Variants in L3MBTL1 observed in about 807,000 individuals in gnomAD.
L3MBTL1 encodes the protein L3MBTL histone methyl-lysine binding protein 1.
L3MBTL1 carries 75 observed loss-of-function variants against 105.3 expected under a neutral mutation model. The ratio of observed to expected loss-of-function variants is 0.71; its 90% CI spans 0.59 to 0.86. The LOEUF (loss-of-function observed/expected upper bound fraction) is 0.86. Ranked by LOEUF, L3MBTL1 falls within the 40% of genes least tolerant of loss-of-function variation. L3MBTL1 has a pLI of 0.00. For missense variants in L3MBTL1, 1,069 were observed against 1,126.4 expected, an observed-to-expected ratio of 0.95 and a Z score of 0.73; for synonymous variants, 452 against 436.2, an observed-to-expected ratio of 1.04 and a Z score of -0.45.
At chr20:43,525,668 G>C (rs2018994931) in intron 7 of L3MBTL1, among the ~76,000 whole-genome samples, 1 of 152,172 alleles carries the variant, frequency 6.6e-6, no homozygotes, top group Admixed American at 6.5e-5. Flanking sequence ...TGGGGGTGTT[G>C]GTCAGGGAAG....
In L3MBTL1 at chr20:43,515,064, T is replaced by C; in HGVS notation, c.558T>C (p.Asp186=). Reference sequence around the variant, plus strand: ...CCAATCAGGACCCCCCAGAGGATGATAGCACCTGTCAGTGCCAGGCGTGCG... The same window carrying C: ...CCAATCAGGACCCCCCAGAGGATGACAGCACCTGTCAGTGCCAGGCGTGCG... ...EDPNQDPPED[D]STCQCQACGP... is the part of the protein sequence containing the mutation. Residue 186 remains aspartate (D), a synonymous_variant, in exon 5 of 22, where the codon GAT becomes GAC. Transcript: ENST00000418998. The C allele has an allele frequency of 6.2e-7, 1 of 1,614,106 alleles. No individual in the cohort carries two copies. The highest frequency in any genetic ancestry group is 1.1e-5 in the South Asian group (1 of 91,088).
At chr20:43,515,668 T>C in intron 6 of L3MBTL1, 1 of 505,334 alleles carries the variant, frequency 2.0e-6, no homozygotes. Context: ...TCAGGTGAAC[T>C]AGCACCCAAA....
At chr20:43,547,838 GAA>G (rs772643175) in intron 18 of L3MBTL1, among the ~76,000 whole-genome samples, 15 of 152,226 alleles carry the variant, frequency 9.9e-5, no homozygotes, top group Non-Finnish European at 1.8e-4. Flanking sequence ...CAGAAAGAGA[GAA>G]AGAGAACAAG....
At chr20:43,527,107 C>G (rs1183006852) in intron 7 of L3MBTL1, among the ~76,000 whole-genome samples, 1 of 152,180 alleles carries the variant, frequency 6.6e-6, no homozygotes, top group East Asian at 1.9e-4. Context: ...GTCCTACAGC[C>G]TTAGTGAAGA....
At chr20:43,525,547 A>G (rs2018984997) in intron 7 of L3MBTL1, among the ~76,000 whole-genome samples, 1 of 140,134 alleles carries the variant, frequency 7.1e-6, no homozygotes, top group South Asian at 2.3e-4. Flanking sequence ...TAGTGCACAG[A>G]TTATACAACC....
chr20:43,534,218 C>A (rs1405189258), intron 14 of L3MBTL1, 66 bp from the exon 15 acceptor site: 2 of 1,556,292 alleles, frequency 1.3e-6, no homozygotes, highest in Non-Finnish European at 8.8e-7. Flanking sequence ...AGCATTTGGG[C>A]TCCCTCTGTG....
Position 43,516,077 on chromosome 20 carries a change from G to A in L3MBTL1, c.778-16G>A, listed in dbSNP as rs757185225. ...CCATGAGGAGAAGAAGCTGGGATCAGGCTTGCCTTCTACAGGAGAAGCAAG... is the reference window on the plus strand; with the variant it reads ...CCATGAGGAGAAGAAGCTGGGATCAAGCTTGCCTTCTACAGGAGAAGCAAG... On this transcript the variant is annotated splice_polypyrimidine_tract_variant and intron_variant, in intron 6 of 21. Coordinates refer to ENST00000418998, the MANE Select transcript of L3MBTL1 (RefSeq NM_001377303.1). The A allele has an allele frequency of 3.7e-6, 6 of 1,601,018 alleles. No homozygotes were observed. Among genetic ancestry groups the A allele is most frequent in the Non-Finnish European group, 5.1e-6 (6 of 1,168,276 alleles).
rs760155991 is a variant in L3MBTL1 at position 43,534,274 on chromosome 20, C to G, written c.1600-10C>G. The G allele has an allele frequency of 1.2e-6, 2 of 1,611,388 alleles. No individual in the cohort carries two copies. Among genetic ancestry groups the G allele is most frequent in the Non-Finnish European group, 1.7e-6 (2 of 1,178,256 alleles). On this transcript the variant is annotated splice_polypyrimidine_tract_variant and intron_variant, in intron 14 of 21. Transcript: ENST00000418998. ...GCGCCTTGCCCTGAAGGCAGCTGTC[C>G]CCTCTGCAGCGACCCCCTCACAGCT...
chr20:43,521,820 T>TG (rs2018723909), intron 7 of L3MBTL1, among the ~76,000 whole-genome samples: 1 of 152,220 alleles, frequency 6.6e-6, no homozygotes. Context: ...TCTGAGTAGC[T>TG]GGGACTGCAG....
Position 43,536,278 on chromosome 20 carries a change from C to T in L3MBTL1, c.2107C>T (p.Pro703Ser). The T allele has an allele frequency of 6.2e-7, 1 of 1,612,472 alleles. No homozygotes were observed. The highest frequency in any genetic ancestry group is 1.7e-5 in the Admixed American group (1 of 59,822). Residue 703 changes from proline (P) to serine (S), a missense_variant, in exon 18 of 22, where the codon CCT becomes TCT. Coordinates refer to ENST00000418998, the MANE Select transcript of L3MBTL1 (RefSeq NM_001377303.1). ...CTCAGGCTTCTCCCCAAGGAAGAAG[C>T]CTCGCCATCACGGCCGGTATGGAGG... ...NLSGFSPRKKPRHHGRIGRPP... is the reference protein window; with the variant it reads ...NLSGFSPRKKSRHHGRIGRPP...
chr20:43,547,367 G>A (rs1568644811), intron 18 of L3MBTL1, among the ~76,000 whole-genome samples: 2 of 152,182 alleles, frequency 1.3e-5, no homozygotes, highest in Non-Finnish European at 2.9e-5. Flanking sequence ...GCCTCCCAAA[G>A]TGCTGGGATT....
At chr20:43,519,280 T>A (rs1023844586) in intron 7 of L3MBTL1, among the ~76,000 whole-genome samples, 4 of 144,664 alleles carry the variant, frequency 2.8e-5, no homozygotes, top group African/African-American at 1.0e-4. Flanking sequence ...GAGGTTGCAG[T>A]GAGCTGAGAG....
chr20:43,518,412 G>T (rs186853068), intron 7 of L3MBTL1, among the ~76,000 whole-genome samples: 11 of 152,270 alleles, frequency 7.2e-5, no homozygotes, highest in Admixed American at 2.6e-4. Context: ...GAGTGCTCCA[G>T]TAGTTTAAGA....
Position 43,530,399 on chromosome 20 carries a change from ACAAGCTGCAGCCTCC to A in L3MBTL1, c.1176_1190del (p.Leu393_Lys397del), listed in dbSNP as rs774544495. The stretch of plus-strand genomic sequence containing the variant: ...GCTGGCTGGTTCGAGAAGACGGGCC[ACAAGCTGCAGCCTCC>A]CAAAGGTAAGGCCTAGCTGGGTTGG... On this transcript the variant is annotated inframe_deletion, in exon 10 of 22. Coordinates refer to ENST00000418998, the MANE Select transcript of L3MBTL1 (RefSeq NM_001377303.1). The A allele has an allele frequency of 6.2e-7, 1 of 1,614,160 alleles. No individual in the cohort carries two copies. Among genetic ancestry groups the A allele is most frequent in the Non-Finnish European group, 8.5e-7 (1 of 1,180,014 alleles).
chr20:43,519,835 A>C (rs1203241154), intron 7 of L3MBTL1, among the ~76,000 whole-genome samples: 2 of 152,204 alleles, frequency 1.3e-5, no homozygotes, highest in Non-Finnish European at 2.9e-5. Context: ...TTTAAGGAGC[A>C]GAAAGTTCGT....
chr20:43,514,274 C>T, intron 3 of L3MBTL1: 2 of 779,794 alleles, frequency 2.6e-6, no homozygotes, highest in Non-Finnish European at 4.0e-6. Flanking sequence ...TGGAGTGAGG[C>T]ACTCTGGGAC....
intron 9 of L3MBTL1, among the ~76,000 whole-genome samples, chr20:43,529,979 G>T (rs529368656): frequency 8.9e-4 from 135 of 152,334 alleles, no homozygotes; most frequent in African/African-American, 3.2e-3. Flanking sequence ...CGGTCATCAG[G>T]AGCCCTCAGC....
intron 11 of L3MBTL1, 44 bp downstream of exon 11, chr20:43,530,933 G>C (rs1181508153): frequency 1.3e-6 from 2 of 1,523,810 alleles, no homozygotes; most frequent in East Asian, 2.3e-5. Context: ...CCATGTGCCA[G>C]AGTTCACTGC....
intron 3 of L3MBTL1, 131 bp from the exon 4 acceptor site, chr20:43,514,504 C>T (rs1366426279): frequency 4.3e-5 from 67 of 1,544,938 alleles, no homozygotes; most frequent in Non-Finnish European, 5.5e-5. Context: ...GTGAGGCCCC[C>T]TGGCGTGGAG....
Sources: gnomAD v4.1 joint callset for allele counts (sites outside exome capture counted in the v4.1 genomes callset) on GRCh38, gnomAD v4.1.1 for gene constraint, MANE v1.5 for transcripts, NCBI Gene and HGNC (gene_info 2026-07-23, HGNC 2026-07-21) for gene names.